The following CLCN6 variants were observed in gnomAD, a reference collection of about 807,000 sequenced individuals.
CLCN6 encodes the protein Cl-/H+ antiporter 6.
In CLCN6, 70 loss-of-function variants were observed where a neutral mutation model predicts 109.8. That is an observed-to-expected ratio of 0.64 (90% confidence interval 0.53 to 0.78). The LOEUF (loss-of-function observed/expected upper bound fraction) is 0.78. Ranked by LOEUF, CLCN6 falls within the 30% of genes least tolerant of loss-of-function variation. The probability of loss-of-function intolerance (pLI) is 0.00; values close to 1 mark genes in which losing one functional copy is unlikely to be tolerated. For synonymous variants in CLCN6, 444 were observed against 447.8 expected (o/e 0.99, Z 0.11); for missense variants, 984 against 1,142.3 (o/e 0.86, Z 2.00).
intron 12 of CLCN6, 114 bp from the exon 13 acceptor site, chr1:11,829,082 G>T: frequency 8.3e-7 from 1 of 1,206,876 alleles, no homozygotes; most frequent in South Asian, 1.4e-5. Flanking sequence ...ACCAGGGGCT[G>T]CTGTGAATGC....
At chr1:11,819,045 A>G (rs1029705573) in intron 4 of CLCN6, among the ~76,000 whole-genome samples, 1 of 152,252 alleles carries the variant, frequency 6.6e-6, no homozygotes, top group African/African-American at 2.4e-5. Context: ...ACAGATTCAT[A>G]TACCTTTTAA....
In CLCN6 at chr1:11,826,937, G is replaced by A. The variant is rs189741230; in HGVS notation, c.708-152G>A. The A allele has an allele frequency of 1.1e-3, 931 of 862,514 alleles. 10 individuals are homozygous for A. In the African/African-American group the frequency reaches 0.015, roughly 14 times the overall value. The allele number at this position is 862,514 out of a possible 1,614,324, so 53.4% of individuals were successfully genotyped here. A position where few individuals can be genotyped will look rare whatever the true frequency, so the allele number is the denominator to read the frequency against. ...GTGGCTCTCGGGTGGACACACTCGC[G>A]GCAAAGGCTGCCTCACCAGTGACCT... On this transcript the variant is annotated intron_variant, in intron 9 of 22. Transcript: ENST00000346436.
chr1:11,831,193 G>A (rs1338933937), intron 13 of CLCN6, among the ~76,000 whole-genome samples: 2 of 150,492 alleles, frequency 1.3e-5, no homozygotes, highest in African/African-American at 2.5e-5. Context: ...GTCTCACTCT[G>A]TTGCCCAAGC....
In CLCN6 at chr1:11,834,055, T is replaced by TGC; in HGVS notation, c.1526+28_1526+29dup. On this transcript the variant is annotated intron_variant, in intron 15 of 22. Coordinates refer to ENST00000346436, the MANE Select transcript of CLCN6 (RefSeq NM_001286.5). The surrounding 1 kb of genome is among the most constrained non-coding windows in gnomAD (Gnocchi z 4.5). The stretch of plus-strand genomic sequence containing the variant: ...GGTACTCTGTGTGTGTGCGTGTGTG[T>TGC]GCGCATGTGCATGTGTGTGCACGTG... 2 of 1,611,858 alleles carry TGC rather than the reference T, an allele frequency of 1.2e-6. No individual in the cohort carries two copies. The highest frequency in any genetic ancestry group is 1.7e-6 in the Non-Finnish European group (2 of 1,178,832).
intron 17 of CLCN6, among the ~76,000 whole-genome samples, 180 bp from the exon 18 acceptor site, chr1:11,835,787 A>G (rs1050236730): frequency 2.6e-5 from 4 of 152,162 alleles, no homozygotes; most frequent in Admixed American, 2.0e-4. Flanking sequence ...GTGCGGGAAC[A>G]GCATGTGTCG....
Position 11,810,957 on chromosome 1 carries a change from AC to A in CLCN6, c.147+3772del, listed in dbSNP as rs1022046369. 2.6e-5 allele frequency among the ~76,000 whole-genome samples: 4 copies of A among 151,998 alleles called. No homozygotes were observed. The East Asian group carries it at 5.8e-4, about 22-fold the overall frequency. ...CCGGGTGCAGTGGCCCACACCTGTT[AC>A]CCCCACACTTTAGGAGGCTGAGGCA... On this transcript the variant is annotated intron_variant, in intron 2 of 22. Transcript: ENST00000346436.
chr1:11,806,538 C>A lies in CLCN6; in HGVS notation c.87+189C>A, dbSNP rs45498791. On this transcript the variant is annotated intron_variant, in intron 1 of 22. Transcript: ENST00000346436. ...CTAAGTCTGGGGTCTTTTCTCATAA[C>A]CCCTCCTGGAATCTGAGGGAGAATC... The A allele has an allele frequency of 6.9e-3, 3,356 of 488,718 alleles. 81 individuals are homozygous for A. The highest frequency in any genetic ancestry group is 0.063 in the African/African-American group (3,099 of 49,212). The allele number at this position is 488,718 out of a possible 1,614,324, so 30.3% of individuals were successfully genotyped here. A position where few individuals can be genotyped will look rare whatever the true frequency, so the allele number is the denominator to read the frequency against.
In CLCN6 at chr1:11,838,614, G is replaced by C. The variant is rs1218451266; in HGVS notation, c.2483G>C (p.Arg828Thr). 1 of 1,614,228 alleles carries C rather than the reference G, an allele frequency of 6.2e-7. No homozygotes were observed. Among genetic ancestry groups the C allele is most frequent in the Non-Finnish European group, 8.5e-7 (1 of 1,180,036 alleles). Residue 828 changes from arginine to threonine, a missense_variant, in exon 22 of 23, where the codon AGA becomes ACA. Physicochemically the swap from Arg to Thr is moderately conservative, Grantham distance 71. Coordinates refer to ENST00000346436, the MANE Select transcript of CLCN6 (RefSeq NM_001286.5). The stretch of plus-strand genomic sequence containing the variant: ...GTCTCCCAAGTCTTCAACCTGTTCA[G>C]AACGATGGGCCTGCGCCACCTGCCC... ...THVSQVFNLF[R>T]TMGLRHLPVV...
chr1:11,815,760 G>T, intron 2 of CLCN6, 86 bp from the exon 3 acceptor site: 6 of 1,004,200 alleles, frequency 6.0e-6, no homozygotes, highest in Non-Finnish European at 9.3e-6. Flanking sequence ...CCATCCACAC[G>T]TTGAGTAGCA....
intron 2 of CLCN6, 51 bp from the exon 3 acceptor site, chr1:11,815,795 C>CA: frequency 1.4e-6 from 2 of 1,403,336 alleles, no homozygotes; most frequent in South Asian, 1.2e-5. Context: ...TGTCCCTTTG[C>CA]AGGTCTTCTC....
chr1:11,816,811 G>A, intron 4 of CLCN6, 131 bp downstream of exon 4: 2 of 553,950 alleles, frequency 3.6e-6, no homozygotes, highest in South Asian at 2.9e-5. Flanking sequence ...AATAACACTT[G>A]TCATTATAAT....
chr1:11,822,873 C>A, intron 6 of CLCN6, 72 bp downstream of exon 6: 2 of 955,658 alleles, frequency 2.1e-6, no homozygotes, highest in South Asian at 1.3e-5. Context: ...CCACCTCCTT[C>A]CAGAATGTCA....
chr1:11,811,214 A>C (rs1338152339), intron 2 of CLCN6, among the ~76,000 whole-genome samples: 3 of 152,116 alleles, frequency 2.0e-5, no homozygotes, highest in Non-Finnish European at 4.4e-5. Context: ...CTGACAAAAA[A>C]AAAAGGGATT....
At chr1:11,839,361 A>G (rs1309834856) in intron 22 of CLCN6, among the ~76,000 whole-genome samples, 5 of 152,176 alleles carry the variant, frequency 3.3e-5, no homozygotes, top group Non-Finnish European at 7.3e-5. Context: ...TTCCAGGCTC[A>G]AGCAGTCCTC....
At position 11,830,764 on chromosome 1, in the gene CLCN6, T is replaced by TACAC. The variant is rs1165865674; in HGVS notation, c.1248+1451_1248+1454dup. Among the ~76,000 whole-genome samples the TACAC allele has an allele frequency of 1.9e-4, 22 of 115,614 alleles. No individual in the cohort carries two copies. In the South Asian group the frequency reaches 2.2e-3, roughly 11 times the overall value. The allele number at this position is 115,614 out of a possible 152,430, so 75.8% of individuals were successfully genotyped here. On this transcript the variant is annotated intron_variant, in intron 13 of 22. Transcript: ENST00000346436. ...ATATATATATATATATATATATATA[T>TACAC]ACACACACACACTATATATACACAC...
intron 17 of CLCN6, 26 bp from the exon 18 acceptor site, chr1:11,835,941 C>T: frequency 6.2e-7 from 1 of 1,604,372 alleles, no homozygotes; most frequent in African/African-American, 1.3e-5. Context: ...TGTCATGAGG[C>T]TGGATGACTT....
In CLCN6 at chr1:11,806,280, G is replaced by A. The variant is rs140859848; in HGVS notation, c.18G>A (p.Gly6=). The A allele has an allele frequency of 2.0e-4, 299 of 1,497,616 alleles. 1 individual carries two copies. The highest frequency in any genetic ancestry group is 2.3e-4 in the Non-Finnish European group (264 of 1,132,986). The allele number at this position is 1,497,616 out of a possible 1,614,324, so 92.8% of individuals were successfully genotyped here. Residue 6 remains glycine (G), a synonymous_variant, in exon 1 of 23, where the codon GGG becomes GGA. Coordinates refer to ENST00000346436, the MANE Select transcript of CLCN6 (RefSeq NM_001286.5). ...GGAGGAAGATGGCGGGGTGCAGGGG[G>A]TCTCTGTGCTGCTGCTGCAGGTGGT... The part of the protein sequence containing the change: MAGCR[G]SLCCCCRWCC...
intron 11 of CLCN6, 73 bp downstream of exon 11, chr1:11,828,292 A>G: frequency 6.8e-7 from 1 of 1,465,692 alleles, no homozygotes; most frequent in Non-Finnish European, 9.6e-7. Flanking sequence ...AGGACCAGAG[A>G]GAAATGAGCA....
At chr1:11,833,020 CT>C (rs34913289) in intron 13 of CLCN6, among the ~76,000 whole-genome samples, 246 of 144,884 alleles carry the variant, frequency 1.7e-3, no homozygotes, top group East Asian at 2.6e-3. Flanking sequence ...AATTCAGGTG[CT>C]TTTTTTTTTT....
Sources: allele counts gnomAD v4.1 joint callset (sites outside exome capture counted in the v4.1 genomes callset), GRCh38; gene constraint gnomAD v4.1.1; non-coding constraint Gnocchi (gnomAD v3.1); transcripts MANE v1.5; gene names NCBI Gene and HGNC (gene_info 2026-07-23, HGNC 2026-07-21).